OR51B5: variants seen among roughly 807,000 people sequenced by gnomAD.
OR51B5 encodes olfactory receptor family 51 subfamily B member 5, also known as olfactory receptor 51B5.
For synonymous variants in OR51B5, 186 were observed against 144.8 expected, an observed-to-expected ratio of 1.28 and a Z score of -2.04; for missense variants, 456 against 374.6, an observed-to-expected ratio of 1.22 and a Z score of -1.79.
chr11:5,489,704 T>C, intron 1 of OR51B5: 1 of 1,313,520 alleles, frequency 7.6e-7, no homozygotes, highest in Non-Finnish European at 1.1e-6. Context: ...AAGTGTAGGA[T>C]GGCTGTCTAG....
intron 1 of OR51B5, among the ~76,000 whole-genome samples, chr11:5,474,722 A>G (rs1052908879): frequency 6.6e-6 from 1 of 152,342 alleles, no homozygotes; most frequent in East Asian, 1.9e-4. Context: ...ATACATTTCA[A>G]TGTGTTGGTT....
Position 5,360,976 on chromosome 11 carries a change from A to T in OR51B5, n.85-14066T>A, listed in dbSNP as rs547984909. Among the ~76,000 whole-genome samples, 4 of 141,768 alleles carry T rather than the reference A, an allele frequency of 2.8e-5. No individual in the cohort carries two copies. The Admixed American group carries it at 2.8e-4, about 10-fold the overall frequency. The allele number at this position is 141,768 out of a possible 152,430, so 93.0% of individuals were successfully genotyped here. ...GGACACAGGAAGGGGAACATCACAC[A>T]CCAGGGCCTGCAGTGGGGTGGGGGT... is the stretch of plus-strand genomic sequence containing the variant. On this transcript the variant is annotated intron_variant and non_coding_transcript_variant, in intron 1 of 4. Transcript: ENST00000415970.
At chr11:5,458,022 CA>C (rs947129374) in intron 1 of OR51B5, among the ~76,000 whole-genome samples, 6 of 152,110 alleles carry the variant, frequency 3.9e-5, no homozygotes, top group African/African-American at 1.4e-4. Context: ...GAGATTTCAT[CA>C]TGAAATATTT....
chr11:5,503,225 T>C (rs2035500703), intron 1 of OR51B5, among the ~76,000 whole-genome samples: 1 of 152,210 alleles, frequency 6.6e-6, no homozygotes, highest in Non-Finnish European at 1.5e-5. Flanking sequence ...CAAAGATGCA[T>C]ACACTCGATT....
chr11:5,406,404 A>C (rs535345435), intron 1 of OR51B5, among the ~76,000 whole-genome samples: 1 of 152,288 alleles, frequency 6.6e-6, no homozygotes, highest in South Asian at 2.1e-4. Flanking sequence ...AGAATCCTAG[A>C]AAATCACACA....
At chr11:5,460,502 C>T (rs778408824) in intron 1 of OR51B5, among the ~76,000 whole-genome samples, 6 of 152,060 alleles carry the variant, frequency 3.9e-5, no homozygotes, top group Non-Finnish European at 8.8e-5. Flanking sequence ...TTACTGCTTT[C>T]CTTGAACTGT....
chr11:5,488,648 A>C (rs969538029), intron 1 of OR51B5: 3 of 1,132,350 alleles, frequency 2.6e-6, no homozygotes, highest in Non-Finnish European at 3.9e-6. Context: ...CAAATATCTG[A>C]TGTTACAGGG....
At chr11:5,404,470 G>T (rs1278662266) in intron 1 of OR51B5, among the ~76,000 whole-genome samples, 2 of 152,144 alleles carry the variant, frequency 1.3e-5, no homozygotes, top group East Asian at 3.9e-4. Flanking sequence ...TCAGCACTCT[G>T]TAAAATCCCA....
At chr11:5,372,677 T>A (rs1013498407) in intron 1 of OR51B5, among the ~76,000 whole-genome samples, 1 of 152,238 alleles carries the variant, frequency 6.6e-6, no homozygotes, top group Non-Finnish European at 1.5e-5. Context: ...GTATCAGATA[T>A]ATGATCTGTA....
chr11:5,378,948 C>T (rs1051300213), intron 1 of OR51B5, among the ~76,000 whole-genome samples: 1 of 151,166 alleles, frequency 6.6e-6, no homozygotes, highest in African/African-American at 2.4e-5. Context: ...TTGACCCAGC[C>T]ATCCCATTAC....
intron 1 of OR51B5, chr11:5,441,203 G>A: frequency 6.2e-7 from 1 of 1,614,004 alleles, no homozygotes; most frequent in Non-Finnish European, 8.5e-7. Flanking sequence ...TGTGGATGAA[G>A]AACATCTGGA....
intron 1 of OR51B5, chr11:5,352,105 G>A (rs768274501): frequency 6.2e-7 from 1 of 1,614,002 alleles, no homozygotes; most frequent in African/African-American, 1.3e-5. Flanking sequence ...TCCAGTTGTA[G>A]TTTTATTTGC....
chr11:5,369,936 C>T (rs191262097), intron 1 of OR51B5, among the ~76,000 whole-genome samples: 157 of 152,230 alleles, frequency 1.0e-3, no homozygotes, highest in African/African-American at 3.5e-3. Flanking sequence ...GACATTTTCT[C>T]AGGATTTTTA....
At chr11:5,470,025 GT>G (rs1851203775) in intron 1 of OR51B5, among the ~76,000 whole-genome samples, 1 of 152,084 alleles carries the variant, frequency 6.6e-6, no homozygotes, top group Non-Finnish European at 1.5e-5. Context: ...GACTCTCTTG[GT>G]TTTGCCTTTC....
intron 1 of OR51B5, chr11:5,355,284 AT>A: frequency 6.0e-6 from 1 of 166,022 alleles, no homozygotes. Context: ...GACGAATTGG[AT>A]TTTATATTAA....
chr11:5,422,371 C>T, intron 1 of OR51B5: 1 of 1,614,186 alleles, frequency 6.2e-7, no homozygotes, highest in Non-Finnish European at 8.5e-7. Context: ...AGCCATCTGT[C>T]CACCAGCGCA....
chr11:5,468,605 T>C, intron 1 of OR51B5: 1 of 452,800 alleles, frequency 2.2e-6, no homozygotes, highest in Non-Finnish European at 4.4e-6. Context: ...GTGCACATAT[T>C]CAGGAGCATG....
At chr11:5,380,236 T>C (rs1849589351) in intron 1 of OR51B5, among the ~76,000 whole-genome samples, 1 of 152,172 alleles carries the variant, frequency 6.6e-6, no homozygotes, top group African/African-American at 2.4e-5. Context: ...TGGAGACTTC[T>C]CTGTAAACCT....
intron 1 of OR51B5, chr11:5,441,656 A>T: frequency 1.5e-6 from 1 of 662,702 alleles, no homozygotes; most frequent in Non-Finnish European, 2.5e-6. Context: ...TAAGACACTC[A>T]TCTCTTTAAG....
Sources: gnomAD v4.1 joint callset for allele counts (sites outside exome capture counted in the v4.1 genomes callset) on GRCh38, gnomAD v4.1.1 for gene constraint, MANE v1.5 for transcripts, NCBI Gene and HGNC (gene_info 2026-07-23, HGNC 2026-07-21) for gene names.